The following SLC35F3 variants were observed in gnomAD, a reference collection of about 807,000 sequenced individuals.
SLC35F3 encodes putative thiamine transporter SLC35F3.
SLC35F3 carries 25 observed loss-of-function variants against 49.9 expected under a neutral mutation model. The observed-to-expected ratio is 0.50, with a 90% CI of 0.37 to 0.70. The LOEUF (loss-of-function observed/expected upper bound fraction) is 0.70. Ranked by LOEUF, SLC35F3 falls within the 30% of genes least tolerant of loss-of-function variation. The probability of loss-of-function intolerance (pLI) is 0.00; values close to 1 mark genes in which losing one functional copy is unlikely to be tolerated. For synonymous variants in SLC35F3, 275 were observed against 265.4 expected (o/e 1.04, Z -0.35); for missense variants, 525 against 639.8 (o/e 0.82, Z 1.94).
At position 234,017,528 on chromosome 1, in the gene SLC35F3, A is replaced by C. The variant is rs185561968; in HGVS notation, c.283+111770A>C. 4.7e-4 allele frequency among the ~76,000 whole-genome samples: 72 copies of C among 151,936 alleles called. 1 individual carries two copies. The East Asian group carries it at 0.014, about 29-fold the overall frequency. ...GGAGATCGAAACCATCCTGGCTAAC[A>C]CTGTGAAACCCCGTCTCTACTAAAA... On this transcript the variant is annotated intron_variant, in intron 2 of 7. Transcript: ENST00000366618.
intron 2 of SLC35F3, among the ~76,000 whole-genome samples, chr1:234,118,538 G>A (rs1296121846): frequency 6.6e-6 from 1 of 152,158 alleles, no homozygotes; most frequent in Admixed American, 6.5e-5. Context: ...AGGAGAGAGA[G>A]GAGAGGAAAA....
intron 2 of SLC35F3, among the ~76,000 whole-genome samples, chr1:234,134,122 T>C (rs1227538091): frequency 6.6e-6 from 1 of 152,184 alleles, no homozygotes; most frequent in African/African-American, 2.4e-5. Flanking sequence ...AATCATTTGT[T>C]CTTTCATTTA....
chr1:234,246,586 ATGTTTTC>A (rs1483509591), intron 3 of SLC35F3, among the ~76,000 whole-genome samples: 1 of 152,196 alleles, frequency 6.6e-6, no homozygotes, highest in Non-Finnish European at 1.5e-5. Flanking sequence ...TTCCATACTG[ATGTTTTC>A]CCCTTCTGAA....
At chr1:234,169,693 A>G (rs746346667) in intron 2 of SLC35F3, among the ~76,000 whole-genome samples, 31 of 152,194 alleles carry the variant, frequency 2.0e-4, no homozygotes, top group Non-Finnish European at 4.0e-4. Flanking sequence ...TGGCCCAGTA[A>G]GATGAATGTA....
At chr1:233,911,131 C>T (rs1026960414) in intron 2 of SLC35F3, among the ~76,000 whole-genome samples, 1 of 152,166 alleles carries the variant, frequency 6.6e-6, no homozygotes, top group African/African-American at 2.4e-5. Flanking sequence ...GGGGGAAGGG[C>T]TCATGGAAAG....
chr1:234,058,410 G>A (rs114239121), intron 2 of SLC35F3, among the ~76,000 whole-genome samples: 1,572 of 134,440 alleles, frequency 0.012, 30 homozygotes, highest in African/African-American at 0.043. Context: ...AGTGACATGA[G>A]CATGATTCAC....
At chr1:234,218,308 A>C (rs1037823740) in intron 2 of SLC35F3, among the ~76,000 whole-genome samples, 17 of 152,264 alleles carry the variant, frequency 1.1e-4, no homozygotes, top group African/African-American at 4.1e-4. Context: ...GGCGTGCAGC[A>C]AGTAGTGTTG....
chr1:234,176,502 A>G (rs2102921488), intron 2 of SLC35F3, among the ~76,000 whole-genome samples: 1 of 152,276 alleles, frequency 6.6e-6, no homozygotes, highest in Non-Finnish European at 1.5e-5. Flanking sequence ...TGTGTAGGAC[A>G]AGCTGGTTCC....
chr1:234,298,374 T>G (rs559987), intron 3 of SLC35F3, among the ~76,000 whole-genome samples: 112,407 of 152,128 alleles, frequency 0.74, 41,946 homozygotes, highest in African/African-American at 0.86. Context: ...AAGAAGATGG[T>G]AAGCCAATGA....
intron 2 of SLC35F3, among the ~76,000 whole-genome samples, chr1:234,066,875 C>A (rs968979413): frequency 7.9e-6 from 1 of 127,082 alleles, no homozygotes; most frequent in Admixed American, 8.0e-5. Context: ...CACACACACA[C>A]AATTATATTA....
chr1:234,235,143 G>A (rs1667444416), intron 3 of SLC35F3, among the ~76,000 whole-genome samples: 1 of 152,224 alleles, frequency 6.6e-6, no homozygotes, highest in African/African-American at 2.4e-5. Flanking sequence ...AGAATTAGAT[G>A]TGAATGGGCA....
At chr1:234,312,140 C>A (rs1446880388) in intron 4 of SLC35F3, among the ~76,000 whole-genome samples, 2 of 152,136 alleles carry the variant, frequency 1.3e-5, no homozygotes. Context: ...AGGATGAGAG[C>A]AGGTAGAACC....
At chr1:233,948,363 G>A (rs928846338) in intron 2 of SLC35F3, among the ~76,000 whole-genome samples, 1 of 151,796 alleles carries the variant, frequency 6.6e-6, no homozygotes, top group Admixed American at 6.6e-5. Context: ...CCCCATCTTT[G>A]ATCTTGCTGG....
intron 2 of SLC35F3, among the ~76,000 whole-genome samples, chr1:234,021,967 TG>T (rs1265296398): frequency 3.3e-5 from 5 of 152,218 alleles, no homozygotes; most frequent in Non-Finnish European, 5.9e-5. Flanking sequence ...ATGCAGACCT[TG>T]GTTGTTATGT....
intron 2 of SLC35F3, among the ~76,000 whole-genome samples, chr1:234,085,362 G>A (rs577723914): frequency 6.6e-6 from 1 of 152,290 alleles, no homozygotes; most frequent in African/African-American, 2.4e-5. Flanking sequence ...CCCATGCCTG[G>A]ATCTTTATGA....
At position 233,905,098 on chromosome 1, in the gene SLC35F3, C is replaced by G. The variant is rs1311474573; in HGVS notation, c.21C>G (p.Pro7=). The change falls in exon 1 of 8, where the codon CCC becomes CCG. Residue 7 remains proline (P), a synonymous_variant. Transcript: ENST00000366618. ...TGCCTATGGGGATTCGAGAGTTTCC[C>G]AGCGGCGCACCCAGGGGCAAGAGCA... MGIREF[P]SGAPRGKSIA... is the part of the protein sequence containing the mutation. 6.4e-7 allele frequency: 1 copy of G among 1,563,782 alleles called. No individual in the cohort carries two copies. Among genetic ancestry groups the G allele is most frequent in the Admixed American group, 1.9e-5 (1 of 52,126 alleles).
intron 2 of SLC35F3, among the ~76,000 whole-genome samples, chr1:234,191,651 A>G (rs1261097962): frequency 6.6e-6 from 1 of 152,142 alleles, no homozygotes; most frequent in Non-Finnish European, 1.5e-5. Flanking sequence ...CGAAAGACAA[A>G]TGAAACAAAA....
At chr1:234,062,484 C>T (rs1664555743) in intron 2 of SLC35F3, among the ~76,000 whole-genome samples, 1 of 152,170 alleles carries the variant, frequency 6.6e-6, no homozygotes, top group South Asian at 2.1e-4. Context: ...CCGGAGGGCT[C>T]CTCCCAGCTG....
At chr1:234,146,254 A>C (rs1665993056) in intron 2 of SLC35F3, among the ~76,000 whole-genome samples, 1 of 152,010 alleles carries the variant, frequency 6.6e-6, no homozygotes, top group South Asian at 2.1e-4. Context: ...CTATCACTAA[A>C]CTTAGAATCT....
Sources: allele counts gnomAD v4.1 joint callset (sites outside exome capture counted in the v4.1 genomes callset), GRCh38; gene constraint gnomAD v4.1.1; transcripts MANE v1.5; gene names NCBI Gene and HGNC (gene_info 2026-07-23, HGNC 2026-07-21).